The following LRRC49 variants were observed in gnomAD, a reference collection of about 807,000 sequenced individuals.
LRRC49 encodes leucine rich repeat containing 49.
LRRC49 carries 50 observed loss-of-function variants against 83.3 expected under a neutral mutation model. That is an observed-to-expected ratio of 0.60 (90% confidence interval 0.48 to 0.76). LRRC49 has a LOEUF of 0.76. Ranked by LOEUF, LRRC49 falls within the 30% of genes least tolerant of loss-of-function variation. The pLI, the probability that LRRC49 is intolerant of heterozygous loss-of-function variation, is 0.00. For synonymous variants in LRRC49, 286 were observed against 283.3 expected (o/e 1.01, Z -0.10); for missense variants, 704 against 809.1 (o/e 0.87, Z 1.58).
At chr15:71,010,997 C>G (rs1479844791) in intron 13 of LRRC49, among the ~76,000 whole-genome samples, 1 of 152,084 alleles carries the variant, frequency 6.6e-6, no homozygotes, top group Non-Finnish European at 1.5e-5. Context: ...GACTGTACAT[C>G]TCTGGATCAA....
chr15:71,049,686 T>TA lies in LRRC49; in HGVS notation c.*78dup. On this transcript the variant is annotated 3_prime_UTR_variant, in exon 16 of 16. Transcript: ENST00000260382. Reference sequence around the variant, plus strand: ...TTGAAAATATGCAGGTTATACATGTTAAAACAACAACAACACTATCCTATA... The same window carrying TA: ...TTGAAAATATGCAGGTTATACATGTTAAAAACAACAACAACACTATCCTATA... 1.1e-6 allele frequency: 1 copy of TA among 924,344 alleles called. No individual in the cohort carries two copies. The allele number at this position is 924,344 out of a possible 1,614,324, so 57.3% of individuals were successfully genotyped here.
intron 1 of LRRC49, among the ~76,000 whole-genome samples, chr15:70,872,523 G>A (rs560715224): frequency 6.6e-6 from 1 of 152,256 alleles, no homozygotes; most frequent in South Asian, 2.1e-4. Flanking sequence ...ATGAGCCTAG[G>A]GAATAAGTGC....
chr15:70,882,945 G>T, intron 2 of LRRC49: 1 of 1,608,136 alleles, frequency 6.2e-7, no homozygotes, highest in Non-Finnish European at 8.5e-7. Flanking sequence ...ATATTAAAGT[G>T]TACCTTATAG....
intron 14 of LRRC49, among the ~76,000 whole-genome samples, chr15:71,022,546 G>C (rs969265143): frequency 3.3e-5 from 5 of 152,136 alleles, no homozygotes; most frequent in African/African-American, 1.2e-4. Context: ...AAATGGAGTA[G>C]CTATTGAGGA....
chr15:70,900,383 C>A lies in LRRC49; in HGVS notation c.194-539C>A, dbSNP rs186885345. On this transcript the variant is annotated intron_variant, in intron 3 of 15. Transcript: ENST00000260382. ...TGAACTTACAAAGAAAGAGATGATG[C>A]GAGGTTTACATCTGCTATCCAAAAC... 83 of 435,770 alleles carry A rather than the reference C, an allele frequency of 1.9e-4. No homozygotes were observed. The East Asian group carries it at 5.1e-3, about 27-fold the overall frequency. 27.0% of individuals were successfully genotyped at this position (435,770 alleles called of 1,614,324 possible).
chr15:70,946,887 G>A (rs938204614), intron 8 of LRRC49, among the ~76,000 whole-genome samples: 5 of 152,020 alleles, frequency 3.3e-5, no homozygotes, highest in African/African-American at 1.2e-4. Context: ...TTTGGGAAAT[G>A]TCTATTGTAG....
intron 14 of LRRC49, among the ~76,000 whole-genome samples, chr15:71,028,022 C>T (rs1449097046): frequency 6.6e-6 from 1 of 152,080 alleles, no homozygotes; most frequent in Non-Finnish European, 1.5e-5. Context: ...TGTCTCGTTA[C>T]AGTTATCAAA....
chr15:70,974,760 A>G (rs1034082961), intron 9 of LRRC49, among the ~76,000 whole-genome samples: 1 of 152,068 alleles, frequency 6.6e-6, no homozygotes, highest in Non-Finnish European at 1.5e-5. Flanking sequence ...GATATGAGAT[A>G]GAGATCACAT....
intron 5 of LRRC49, among the ~76,000 whole-genome samples, chr15:70,905,255 A>G (rs2034257408): frequency 6.6e-6 from 1 of 152,240 alleles, no homozygotes; most frequent in African/African-American, 2.4e-5. Context: ...TAGTGCAACT[A>G]TACAGTTCTT....
At chr15:71,030,662 G>A (rs545081173) in intron 14 of LRRC49, among the ~76,000 whole-genome samples, 66 of 152,140 alleles carry the variant, frequency 4.3e-4, no homozygotes, top group African/African-American at 1.5e-3. Context: ...CCAATCAATC[G>A]TAGGTTTGGT....
chr15:71,001,366 ATGC>A (rs1401678738), intron 11 of LRRC49, among the ~76,000 whole-genome samples: 3 of 152,114 alleles, frequency 2.0e-5, no homozygotes, highest in Non-Finnish European at 2.9e-5. Flanking sequence ...TCTTCAATTA[ATGC>A]CCCTGTGTTC....
At chr15:70,952,638 A>G (rs1037045454) in intron 8 of LRRC49, among the ~76,000 whole-genome samples, 1 of 152,110 alleles carries the variant, frequency 6.6e-6, no homozygotes, top group Non-Finnish European at 1.5e-5. Flanking sequence ...GTAGATGTCT[A>G]TTAGGTCCAG....
intron 12 of LRRC49, 89 bp from the exon 13 acceptor site, chr15:71,009,718 C>A: frequency 3.7e-6 from 3 of 816,602 alleles, no homozygotes; most frequent in Non-Finnish European, 5.7e-6. Flanking sequence ...ACATATTTAC[C>A]TGGGGAATGA....
chr15:70,976,982 C>G (rs894522825), intron 9 of LRRC49, among the ~76,000 whole-genome samples: 2 of 152,044 alleles, frequency 1.3e-5, no homozygotes, highest in Admixed American at 1.3e-4. Context: ...TCCTTTTAAG[C>G]CCTACTGCCT....
Position 70,892,890 on chromosome 15 carries a change from C to G in LRRC49, c.-5C>G. On this transcript the variant is annotated 5_prime_UTR_variant, in exon 1 of 16. Coordinates refer to ENST00000260382, the MANE Select transcript of LRRC49 (RefSeq NM_017691.5). ...TCTAACAGAGAACCTGGACTGTCTCCTATCATGATTCCCGGGAAATATCGC... is the reference window on the plus strand; with the variant it reads ...TCTAACAGAGAACCTGGACTGTCTCGTATCATGATTCCCGGGAAATATCGC... The G allele has an allele frequency of 1.9e-6, 3 of 1,614,220 alleles. No individual in the cohort carries two copies. Among genetic ancestry groups the G allele is most frequent in the Non-Finnish European group, 2.5e-6 (3 of 1,180,042 alleles).
intron 1 of LRRC49, among the ~76,000 whole-genome samples, chr15:70,861,074 A>G (rs1365393409): frequency 6.6e-6 from 1 of 152,206 alleles, no homozygotes; most frequent in Non-Finnish European, 1.5e-5. Context: ...TCATTATTTT[A>G]GAAAGAAAGA....
intron 14 of LRRC49, among the ~76,000 whole-genome samples, chr15:71,017,739 A>G (rs1418496202): frequency 2.0e-5 from 3 of 152,202 alleles, no homozygotes; most frequent in Admixed American, 1.3e-4. Context: ...GACAATGTAC[A>G]CTGTACATGT....
At chr15:71,010,139 G>A in intron 13 of LRRC49, 147 bp downstream of exon 13, 1 of 472,224 alleles carries the variant, frequency 2.1e-6, no homozygotes, top group Non-Finnish European at 3.6e-6. Context: ...AATGTCAAAA[G>A]GCTAAGAATC....
intron 5 of LRRC49, among the ~76,000 whole-genome samples, chr15:70,910,936 G>A (rs1039722347): frequency 6.6e-6 from 1 of 152,186 alleles, no homozygotes; most frequent in East Asian, 1.9e-4. Flanking sequence ...AGCAGAAAAA[G>A]GAAAGAGTAA....
Sources: gnomAD v4.1 joint callset for allele counts (sites outside exome capture counted in the v4.1 genomes callset) on GRCh38, gnomAD v4.1.1 for gene constraint, MANE v1.5 for transcripts, NCBI Gene and HGNC (gene_info 2026-07-23, HGNC 2026-07-21) for gene names.